Variants in RAB40B observed in about 807,000 individuals in gnomAD.
RAB40B encodes the protein ras-related protein Rab-40B.
A neutral mutation model predicts 24.0 loss-of-function variants in RAB40B; 21 were observed. The observed-to-expected ratio is 0.88, with a 90% CI of 0.62 to 1.26. The LOEUF (loss-of-function observed/expected upper bound fraction) is 1.26. Ranked by LOEUF, RAB40B falls within the 50% of genes most tolerant of loss-of-function variation. The probability of loss-of-function intolerance (pLI) is 0.00; values close to 1 mark genes in which losing one functional copy is unlikely to be tolerated. For synonymous variants in RAB40B, 167 were observed against 169.8 expected, an observed-to-expected ratio of 0.98 and a Z score of 0.13; for missense variants, 348 against 390.5, an observed-to-expected ratio of 0.89 and a Z score of 0.92.
chr17:82,688,986 T>G lies in RAB40B; in HGVS notation c.142+9469A>C, dbSNP rs1218491100. Among the ~76,000 whole-genome samples, 5 of 152,364 alleles carry G rather than the reference T, an allele frequency of 3.3e-5. No individual in the cohort carries two copies. The East Asian group carries it at 9.6e-4, about 29-fold the overall frequency. On this transcript the variant is annotated intron_variant, in intron 1 of 5. Transcript: ENST00000571995. ...GATAAAGTCTAGATCTCTAATATTT[T>G]TATGCCCAAGCCCTTTGGATGCTGT...
chr17:82,661,938 G>A (rs1413214994), intron 2 of RAB40B: 4 of 984,516 alleles, frequency 4.1e-6, no homozygotes, highest in South Asian at 4.7e-5. Context: ...TGGAAAGGGT[G>A]CTCCCCAGGG....
At chr17:82,666,373 T>G (rs2046257605) in intron 1 of RAB40B, among the ~76,000 whole-genome samples, 1 of 152,062 alleles carries the variant, frequency 6.6e-6, no homozygotes, top group Non-Finnish European at 1.5e-5. Flanking sequence ...GCCTCCTGAG[T>G]AGCTGGAATT....
At chr17:82,670,824 C>T (rs1001868187) in intron 1 of RAB40B, among the ~76,000 whole-genome samples, 1 of 152,010 alleles carries the variant, frequency 6.6e-6, no homozygotes. Flanking sequence ...TGAGGTACCG[C>T]GCCCGGCTTC....
chr17:82,674,135 G>A (rs2046369467), intron 1 of RAB40B, among the ~76,000 whole-genome samples: 1 of 151,890 alleles, frequency 6.6e-6, no homozygotes, highest in Admixed American at 6.6e-5. Context: ...GAGGTCAGGA[G>A]TTTGAGACCA....
intron 1 of RAB40B, among the ~76,000 whole-genome samples, chr17:82,691,425 C>T (rs2046556424): frequency 6.6e-6 from 1 of 152,136 alleles, no homozygotes; most frequent in Admixed American, 6.5e-5. Context: ...GTGGCTCACG[C>T]CTGTAATCCC....
At chr17:82,698,274 C>T (rs2046632659) in intron 1 of RAB40B, among the ~76,000 whole-genome samples, 181 bp downstream of exon 1, 1 of 151,754 alleles carries the variant, frequency 6.6e-6, no homozygotes, top group Non-Finnish European at 1.5e-5. Context: ...CGCGCTCCTC[C>T]TCAGCCCCGC....
In RAB40B at chr17:82,667,797, G is replaced by A. The variant is rs998412666; in HGVS notation, c.143-3241C>T. 2.0e-5 allele frequency among the ~76,000 whole-genome samples: 3 copies of A among 152,166 alleles called. No homozygotes were observed. The highest frequency in any genetic ancestry group is 1.3e-4 in the Admixed American group (2 of 15,282). Reference sequence around the variant, plus strand: ...CCGCTTTGCAGACGCCACCTGCCCCGTGATGAGGCTCAGACAGAGCGGCCA... The same window carrying A: ...CCGCTTTGCAGACGCCACCTGCCCCATGATGAGGCTCAGACAGAGCGGCCA... On this transcript the variant is annotated intron_variant, in intron 1 of 5. Coordinates refer to ENST00000571995, the MANE Select transcript of RAB40B (RefSeq NM_006822.3). The surrounding 1 kb of genome is among the most constrained non-coding windows in gnomAD (Gnocchi z 4.3).
chr17:82,671,635 TCTAA>T (rs1179490295), intron 1 of RAB40B, among the ~76,000 whole-genome samples: 1 of 71,560 alleles, frequency 1.4e-5, no homozygotes, highest in East Asian at 5.8e-4. Flanking sequence ...ACCCCGTAAC[TCTAA>T]CACACACACT....
At chr17:82,681,805 ATT>A (rs1356092988) in intron 1 of RAB40B, among the ~76,000 whole-genome samples, 1 of 152,198 alleles carries the variant, frequency 6.6e-6, no homozygotes, top group Non-Finnish European at 1.5e-5. Context: ...GTGAGGCAGC[ATT>A]TGACAAAATC....
chr17:82,698,644 G>T lies in RAB40B; in HGVS notation c.-48C>A. On this transcript the variant is annotated 5_prime_UTR_variant, in exon 1 of 6. Coordinates refer to ENST00000571995, the MANE Select transcript of RAB40B (RefSeq NM_006822.3). ...CCATGCCCGGCCTGCGGGGCTGAGC[G>T]CAGAGGCGGCGGCCCGGCCCCGAGA... The T allele has an allele frequency of 6.4e-6, 8 of 1,247,812 alleles. No homozygotes were observed. Among genetic ancestry groups the T allele is most frequent in the Non-Finnish European group, 8.1e-6 (8 of 984,616 alleles). 77.3% of individuals were successfully genotyped at this position (1,247,812 alleles called of 1,614,324 possible). A position where few individuals can be genotyped will look rare whatever the true frequency, so the allele number is the denominator to read the frequency against.
intron 2 of RAB40B, among the ~76,000 whole-genome samples, chr17:82,662,940 T>C (rs973308588): frequency 2.0e-5 from 3 of 149,442 alleles, no homozygotes; most frequent in Non-Finnish European, 4.5e-5. Context: ...GGCCTTTGGG[T>C]GGCCTTGGCC....
At position 82,698,682 on chromosome 17, in the gene RAB40B, G is replaced by A. The variant is rs1286307284; in HGVS notation, c.-86C>T. 6.6e-6 allele frequency: 7 copies of A among 1,054,666 alleles called. No individual in the cohort carries two copies. The highest frequency in any genetic ancestry group is 8.2e-6 in the Non-Finnish European group (7 of 851,384). The allele number at this position is 1,054,666 out of a possible 1,614,324, so 65.3% of individuals were successfully genotyped here. A position where few individuals can be genotyped will look rare whatever the true frequency, so the allele number is the denominator to read the frequency against. The stretch of plus-strand genomic sequence containing the variant: ...CCCGGCCCCGAGAGGCGCCGCGCGG[G>A]CCCCGAGTCCTTGCTCGCCTCCGGC... On this transcript the variant is annotated 5_prime_UTR_variant, in exon 1 of 6. Coordinates refer to ENST00000571995, the MANE Select transcript of RAB40B (RefSeq NM_006822.3).
chr17:82,674,510 G>A (rs575364067), intron 1 of RAB40B, among the ~76,000 whole-genome samples: 1 of 150,150 alleles, frequency 6.7e-6, no homozygotes, highest in Non-Finnish European at 1.5e-5. Flanking sequence ...GTGGTGGCGG[G>A]CACCTGTAGT....
intron 1 of RAB40B, among the ~76,000 whole-genome samples, chr17:82,684,971 G>A (rs1448897174): frequency 1.3e-4 from 20 of 151,574 alleles, no homozygotes; most frequent in Non-Finnish European, 2.9e-4. Flanking sequence ...AAAATTACCC[G>A]GGCGTGGTGG....
intron 2 of RAB40B, chr17:82,662,824 G>A (rs1486587465): frequency 4.1e-6 from 4 of 985,286 alleles, no homozygotes; most frequent in African/African-American, 3.5e-5. Context: ...TCGCTAAGGT[G>A]AGCAGCCAGA....
intron 1 of RAB40B, among the ~76,000 whole-genome samples, chr17:82,666,327 C>T (rs2046257388): frequency 6.6e-6 from 1 of 152,066 alleles, no homozygotes; most frequent in South Asian, 2.1e-4. Flanking sequence ...TCACTGCAAC[C>T]TCGGCCTCCT....
At chr17:82,658,331 A>G (rs2046113278) in intron 5 of RAB40B, 160 bp downstream of exon 5, 2 of 1,072,872 alleles carry the variant, frequency 1.9e-6, no homozygotes, top group South Asian at 3.1e-5. Flanking sequence ...GAGCTTTCTG[A>G]CAAAGCTGTA....
Position 82,658,639 on chromosome 17 carries a change from C to A in RAB40B, c.417G>T (p.Glu139Asp), listed in dbSNP as rs555079030. ...HLAFKRQVPT[E>D]QAQAYAERLG... ...GGCGCTCGGCGTAGGCCTGGGCCTG[C>A]TCCGTGGGCACCTGCCGCTTGAACG... The change falls in exon 5 of 6, where the codon GAG becomes GAT. Residue 139 changes from glutamate (E) to aspartate (D), a missense_variant. Around this residue, in one of 3 missense-constraint regions of RAB40B, gnomAD observed 126 missense variants for 181.0 expected, o/e 0.70. Transcript: ENST00000571995. The A allele has an allele frequency of 1.6e-4, 262 of 1,613,238 alleles. 2 individuals are homozygous for A. The South Asian group carries it at 2.6e-3, about 16-fold the overall frequency.
chr17:82,658,643 G>A lies in RAB40B; in HGVS notation c.413C>T (p.Thr138Met), dbSNP rs755297557. 12 of 1,613,050 alleles carry A rather than the reference G, an allele frequency of 7.4e-6. No individual in the cohort carries two copies. Among genetic ancestry groups the A allele is most frequent in the African/African-American group, 4.0e-5 (3 of 74,932 alleles). Reference sequence around the variant, plus strand: ...CTCGGCGTAGGCCTGGGCCTGCTCCGTGGGCACCTGCCGCTTGAACGCCAG... The same window carrying A: ...CTCGGCGTAGGCCTGGGCCTGCTCCATGGGCACCTGCCGCTTGAACGCCAG... ...LHLAFKRQVP[T>M]EQAQAYAERL... The change falls in exon 5 of 6, where the codon ACG becomes ATG. Residue 138 changes from threonine (T) to methionine (M), a missense_variant. This residue lies in a region of RAB40B where 126 missense variants were observed against 181.0 expected (regional missense o/e 0.70). Transcript: ENST00000571995.
Sources: allele counts gnomAD v4.1 joint callset (sites outside exome capture counted in the v4.1 genomes callset), GRCh38; gene constraint gnomAD v4.1.1; regional missense constraint gnomAD v4.1.1; non-coding constraint Gnocchi (gnomAD v3.1); transcripts MANE v1.5; gene names NCBI Gene and HGNC (gene_info 2026-07-23, HGNC 2026-07-21).